The following PALS2 variants were observed in gnomAD, a reference collection of about 807,000 sequenced individuals.
PALS2 encodes protein PALS2.
In PALS2, 27 loss-of-function variants were observed where a neutral mutation model predicts 61.6. That is an observed-to-expected ratio of 0.44 (90% CI 0.32 to 0.60). PALS2 has a LOEUF of 0.60. PALS2 is among the 20% of genes least tolerant of loss of function. PALS2 has a pLI of 0.05. For synonymous variants in PALS2, 236 were observed against 218.6 expected (o/e 1.08, Z -0.70); for missense variants, 554 against 639.4 (o/e 0.87, Z 1.44).
chr7:24,605,745 A>G (rs1554300336), intron 1 of PALS2, among the ~76,000 whole-genome samples: 2 of 152,138 alleles, frequency 1.3e-5, no homozygotes, highest in Non-Finnish European at 2.9e-5. Context: ...AATACCTGAA[A>G]TTTTTTACAA....
chr7:24,687,696 A>G lies in PALS2; in HGVS notation c.*82A>G. ...AAACCTTCTACTGAGAAAATACATC[A>G]CAGATAGAAGATTATCTGCTAAGTC... is the stretch of plus-strand genomic sequence containing the variant. On this transcript the variant is annotated 3_prime_UTR_variant, in exon 12 of 12. Coordinates refer to ENST00000222644, the MANE Select transcript of PALS2 (RefSeq NM_001303037.2). This position sits in a 1 kb window ranked among gnomAD's most constrained non-coding sequence, Gnocchi z 4.5. 7.4e-7 allele frequency: 1 copy of G among 1,347,896 alleles called. No homozygotes were observed. The highest frequency in any genetic ancestry group is 1.0e-6 in the Non-Finnish European group (1 of 997,892). The allele number at this position is 1,347,896 out of a possible 1,614,324, so 83.5% of individuals were successfully genotyped here.
chr7:24,638,317 A>ATTTTTTTTTTTTTTTTTTTTTTTTT (rs1562631729), intron 2 of PALS2, among the ~76,000 whole-genome samples: 2 of 14,252 alleles, frequency 1.4e-4, no homozygotes, highest in Non-Finnish European at 2.2e-4. Context: ...CAATTTCTGT[A>ATTTTTTTTTTTTTTTTTTTTTTTTT]TTTTCTTTTT....
chr7:24,580,243 T>C (rs1055103582), intron 1 of PALS2, among the ~76,000 whole-genome samples: 1 of 152,224 alleles, frequency 6.6e-6, no homozygotes, highest in Non-Finnish European at 1.5e-5. Context: ...AGGGATTCTT[T>C]ACCTAAGTGG....
chr7:24,683,473 T>G (rs2128035151), intron 11 of PALS2, among the ~76,000 whole-genome samples: 1 of 152,346 alleles, frequency 6.6e-6, no homozygotes, highest in South Asian at 2.1e-4. Context: ...GATGCTAAGA[T>G]TGTCCCATCA....
chr7:24,655,630 A>ATTTTTTTTTTTTTTTTTTT (rs770410952), intron 5 of PALS2, among the ~76,000 whole-genome samples: 1 of 96,910 alleles, frequency 1.0e-5, no homozygotes, highest in Non-Finnish European at 1.9e-5. Context: ...TAGTTAGTAG[A>ATTTTTTTTTTTTTTTTTTT]TTTTTTTTTT....
chr7:24,677,870 A>G (rs1399524907), intron 9 of PALS2, among the ~76,000 whole-genome samples: 1 of 152,226 alleles, frequency 6.6e-6, no homozygotes, highest in African/African-American at 2.4e-5. Context: ...GAGTCCTATT[A>G]TACATAATGA....
intron 1 of PALS2, among the ~76,000 whole-genome samples, chr7:24,601,986 A>G (rs1373864718): frequency 2.0e-5 from 3 of 152,090 alleles, no homozygotes; most frequent in Non-Finnish European, 4.4e-5. Context: ...AAAATGTTAA[A>G]TATTTCATTA....
At position 24,627,872 on chromosome 7, in the gene PALS2, A is replaced by G. The variant is rs368601364; in HGVS notation, c.117+4088A>G. Reference sequence around the variant, plus strand: ...ACTAACAAGTTCTGAAATAGACAGTAATAATAGCCTACCAACCAAAAAAAG... The same window carrying G: ...ACTAACAAGTTCTGAAATAGACAGTGATAATAGCCTACCAACCAAAAAAAG... On this transcript the variant is annotated intron_variant, in intron 2 of 11. Transcript: ENST00000222644. Among the ~76,000 whole-genome samples, 8 of 152,320 alleles carry G rather than the reference A, an allele frequency of 5.3e-5. No homozygotes were observed. In the East Asian group the frequency reaches 1.2e-3, roughly 22 times the overall value.
At chr7:24,680,598 T>C in intron 11 of PALS2, 78 bp downstream of exon 11, 2 of 1,441,920 alleles carry the variant, frequency 1.4e-6, no homozygotes, top group Non-Finnish European at 1.9e-6. Flanking sequence ...TAATTTATTT[T>C]TATTTATTTA....
At chr7:24,652,822 A>G (rs960275093) in intron 5 of PALS2, among the ~76,000 whole-genome samples, 4 of 152,176 alleles carry the variant, frequency 2.6e-5, no homozygotes, top group African/African-American at 9.7e-5. Context: ...TACCACGGTA[A>G]TGTTTTTCAA....
intron 1 of PALS2, among the ~76,000 whole-genome samples, chr7:24,607,991 T>G (rs1783981598): frequency 6.6e-6 from 1 of 152,172 alleles, no homozygotes; most frequent in Admixed American, 6.5e-5. Context: ...TGTTTTTTGA[T>G]TTTTAAATAT....
At chr7:24,591,915 A>C (rs1010165580) in intron 1 of PALS2, among the ~76,000 whole-genome samples, 1 of 152,160 alleles carries the variant, frequency 6.6e-6, no homozygotes, top group African/African-American at 2.4e-5. Flanking sequence ...TGATAAAGAA[A>C]CACTAGATAG....
chr7:24,626,198 C>G (rs953993142), intron 2 of PALS2, among the ~76,000 whole-genome samples: 2 of 151,762 alleles, frequency 1.3e-5, no homozygotes, highest in Non-Finnish European at 2.9e-5. Context: ...ATCAAAAATA[C>G]AGTATCTGAA....
chr7:24,588,161 G>A (rs1783145325), intron 1 of PALS2, among the ~76,000 whole-genome samples: 1 of 152,182 alleles, frequency 6.6e-6, no homozygotes, highest in Non-Finnish European at 1.5e-5. Flanking sequence ...GGAATGTAGA[G>A]TAGGCAGGTT....
chr7:24,678,630 C>G (rs879586050), intron 9 of PALS2, among the ~76,000 whole-genome samples: 1 of 152,060 alleles, frequency 6.6e-6, no homozygotes, highest in Admixed American at 6.6e-5. Context: ...GTAATAGATT[C>G]CTAAGGAGAA....
At position 24,668,493 on chromosome 7, in the gene PALS2, AT is replaced by A; in HGVS notation, c.953-3del. 1 of 1,606,532 alleles carries A rather than the reference AT, an allele frequency of 6.2e-7. No individual in the cohort carries two copies. Among genetic ancestry groups the A allele is most frequent in the Non-Finnish European group, 8.5e-7 (1 of 1,176,858 alleles). ...ACTTTGTATTCCCATTTCCTTTTTC[AT>A]TTAGAATTTGATCGTCATGAAATCC... On this transcript the variant is annotated splice_region_variant and splice_polypyrimidine_tract_variant and intron_variant, in intron 8 of 11. Coordinates refer to ENST00000222644, the MANE Select transcript of PALS2 (RefSeq NM_001303037.2).
chr7:24,669,427 T>G (rs2128089681), intron 9 of PALS2, among the ~76,000 whole-genome samples: 1 of 152,362 alleles, frequency 6.6e-6, no homozygotes, highest in South Asian at 2.1e-4. Context: ...AACATTTGTC[T>G]TTGTTTTTGA....
intron 1 of PALS2, among the ~76,000 whole-genome samples, chr7:24,585,860 T>A (rs2128041410): frequency 6.6e-6 from 1 of 152,104 alleles, no homozygotes; most frequent in East Asian, 1.9e-4. Flanking sequence ...CACCTGCCTC[T>A]GTTATCTCTT....
intron 3 of PALS2, among the ~76,000 whole-genome samples, chr7:24,643,393 G>T (rs1321421593): frequency 6.6e-6 from 1 of 152,024 alleles, no homozygotes; most frequent in Middle Eastern, 3.2e-3. Flanking sequence ...GATCACTATT[G>T]TACTCTTAGC....
Sources: allele counts gnomAD v4.1 joint callset (sites outside exome capture counted in the v4.1 genomes callset), GRCh38; gene constraint gnomAD v4.1.1; non-coding constraint Gnocchi (gnomAD v3.1); transcripts MANE v1.5; gene names NCBI Gene and HGNC (gene_info 2026-07-23, HGNC 2026-07-21).